TNKS: variants seen among roughly 807,000 people sequenced by gnomAD.
TNKS encodes poly [ADP-ribose] polymerase tankyrase-1.
In TNKS, 72 loss-of-function variants were observed where a neutral mutation model predicts 135.8. The observed-to-expected ratio is 0.53, with a 90% CI of 0.44 to 0.64. The LOEUF (loss-of-function observed/expected upper bound fraction) is 0.64. Ranked by LOEUF, TNKS falls within the 30% of genes least tolerant of loss-of-function variation. The pLI is 0.00. For missense variants in TNKS, 1,769 were observed against 1,674.0 expected, an observed-to-expected ratio of 1.06 and a Z score of -0.99; for synonymous variants, 849 against 649.3, an observed-to-expected ratio of 1.31 and a Z score of -4.68.
intron 3 of TNKS, 99 bp downstream of exon 3, chr8:9,615,776 G>A (rs1585234196): frequency 3.4e-6 from 3 of 888,898 alleles, no homozygotes; most frequent in Non-Finnish European, 5.2e-6. Flanking sequence ...CACTGATGAA[G>A]CTAAGCAAAT....
At position 9,643,123 on chromosome 8, in the gene TNKS, C is replaced by G. The variant is rs1310476476; in HGVS notation, c.994+27446C>G. Among the ~76,000 whole-genome samples, 2 of 146,324 alleles carry G rather than the reference C, an allele frequency of 1.4e-5. 1 individual carries two copies. Among genetic ancestry groups the G allele is most frequent in the Non-Finnish European group, 3.0e-5 (2 of 66,748 alleles). Reference sequence around the variant, plus strand: ...GAAGTCCATTTTTATTAAAAATTTACTCATTAGACATAATCTTGGAAAGAA... The same window carrying G: ...GAAGTCCATTTTTATTAAAAATTTAGTCATTAGACATAATCTTGGAAAGAA... On this transcript the variant is annotated intron_variant, in intron 3 of 26. Coordinates refer to ENST00000310430, the MANE Select transcript of TNKS (RefSeq NM_003747.3).
At chr8:9,609,479 C>A (rs904875299) in intron 2 of TNKS, among the ~76,000 whole-genome samples, 9 of 152,144 alleles carry the variant, frequency 5.9e-5, no homozygotes, top group Non-Finnish European at 1.5e-5. Context: ...ATAGTCCTTA[C>A]TTTTGGGGGC....
At chr8:9,579,859 T>C (rs977860007) in intron 1 of TNKS, among the ~76,000 whole-genome samples, 5 of 152,220 alleles carry the variant, frequency 3.3e-5, no homozygotes, top group Non-Finnish European at 5.9e-5. Context: ...GAAAGTGAGT[T>C]CCTGGATAAG....
At chr8:9,576,899 A>G (rs1797970513) in intron 1 of TNKS, among the ~76,000 whole-genome samples, 1 of 152,194 alleles carries the variant, frequency 6.6e-6, no homozygotes, top group Non-Finnish European at 1.5e-5. Context: ...CATGAAATGT[A>G]TAAAATATAA....
intron 11 of TNKS, among the ~76,000 whole-genome samples, chr8:9,717,753 C>G (rs1474878144): frequency 6.6e-6 from 1 of 152,078 alleles, no homozygotes; most frequent in African/African-American, 2.4e-5. Context: ...CTAACACAGT[C>G]TACTTGACTA....
At chr8:9,570,245 GC>G (rs1281343574) in intron 1 of TNKS, among the ~76,000 whole-genome samples, 1 of 152,114 alleles carries the variant, frequency 6.6e-6, no homozygotes, top group Non-Finnish European at 1.5e-5. Flanking sequence ...TTTGAGACCA[GC>G]CTGGGCAATA....
At chr8:9,677,854 C>T (rs555531636) in intron 3 of TNKS, among the ~76,000 whole-genome samples, 3 of 152,150 alleles carry the variant, frequency 2.0e-5, no homozygotes, top group Non-Finnish European at 2.9e-5. Flanking sequence ...GAGCTACTTA[C>T]AACCATTCCC....
chr8:9,742,248 G>A (rs559900240), intron 17 of TNKS, among the ~76,000 whole-genome samples: 18 of 151,276 alleles, frequency 1.2e-4, no homozygotes, highest in South Asian at 6.3e-4. Flanking sequence ...TCAGGCATCC[G>A]TGAGTTGATG....
In TNKS at chr8:9,765,782, C is replaced by T. The variant is rs758419770; in HGVS notation, c.3538C>T (p.Arg1180Cys). 6 of 1,613,700 alleles carry T rather than the reference C, an allele frequency of 3.7e-6. No homozygotes were observed. The highest frequency in any genetic ancestry group is 4.2e-6 in the Non-Finnish European group (5 of 1,179,740). Residue 1180 changes from arginine to cysteine, a missense_variant, in exon 24 of 27, where the codon CGC becomes TGC. By Grantham distance (180) the Arg-to-Cys change is radical. Coordinates refer to ENST00000310430, the MANE Select transcript of TNKS (RefSeq NM_003747.3). ...SEENHNHHNE[R>C]MLFHGSPFIN... The stretch of plus-strand genomic sequence containing the variant: ...GGAGAATCACAACCATCACAATGAG[C>T]GCATGTTGTTTCATGGTAAGCAGCG...
intron 5 of TNKS, among the ~76,000 whole-genome samples, chr8:9,697,458 A>G (rs190308274): frequency 5.9e-5 from 9 of 152,162 alleles, no homozygotes; most frequent in Non-Finnish European, 1.2e-4. Context: ...AGTGGGACCT[A>G]ATTAAAGAGC....
At chr8:9,621,677 G>A (rs1799873572) in intron 3 of TNKS, among the ~76,000 whole-genome samples, 1 of 152,076 alleles carries the variant, frequency 6.6e-6, no homozygotes, top group Admixed American at 6.5e-5. Flanking sequence ...CATACCATGT[G>A]TAATACATGT....
chr8:9,581,564 A>G (rs1359917938), intron 2 of TNKS, among the ~76,000 whole-genome samples: 1 of 152,196 alleles, frequency 6.6e-6, no homozygotes, highest in Non-Finnish European at 1.5e-5. Flanking sequence ...TTTGTAAATG[A>G]TAACTATTAT....
chr8:9,735,321 T>C (rs546595368), intron 16 of TNKS, 56 bp from the exon 17 acceptor site: 2 of 1,462,996 alleles, frequency 1.4e-6, no homozygotes, highest in African/African-American at 1.4e-5. Context: ...TACATATGTA[T>C]GTATTTTTTT....
intron 14 of TNKS, 53 bp downstream of exon 14, chr8:9,731,088 T>A (rs1805415249): frequency 1.4e-6 from 2 of 1,461,732 alleles, no homozygotes; most frequent in African/African-American, 2.9e-5. Flanking sequence ...GCTTAAAAAA[T>A]TTAAAATATT....
intron 22 of TNKS, among the ~76,000 whole-genome samples, chr8:9,763,698 C>T (rs1014229134): frequency 1.3e-5 from 2 of 152,112 alleles, no homozygotes; most frequent in African/African-American, 4.8e-5. Flanking sequence ...TTCTGCATAA[C>T]ATTTTTCCAG....
At chr8:9,636,678 C>T (rs183802662) in intron 3 of TNKS, among the ~76,000 whole-genome samples, 118 of 152,222 alleles carry the variant, frequency 7.8e-4, no homozygotes, top group Middle Eastern at 6.8e-3. Context: ...CAAATGATAT[C>T]TGTGTCATTT....
Position 9,704,717 on chromosome 8 carries a change from C to A in TNKS, c.1162C>A (p.Leu388Ile). 6.2e-7 allele frequency: 1 copy of A among 1,613,596 alleles called. No homozygotes were observed. Among genetic ancestry groups the A allele is most frequent in the South Asian group, 1.1e-5 (1 of 91,044 alleles). Reference sequence around the variant, plus strand: ...CAACAGAGTTCGAATAGTTCAGCTTCTTCTTCAGCATGGTGCTGATGTTCA... The same window carrying A: ...CAACAGAGTTCGAATAGTTCAGCTTATTCTTCAGCATGGTGCTGATGTTCA... The part of the protein sequence containing the change: ...GYNRVRIVQL[L>I]LQHGADVHAK... Residue 388 changes from leucine to isoleucine, a missense_variant, in exon 6 of 27, where the codon CTT becomes ATT. Leu to Ile is a conservative substitution (Grantham distance 5, BLOSUM62 2). Around this residue, in one of 5 missense-constraint regions of TNKS, gnomAD observed 523 missense variants for 541.0 expected, o/e 0.97. Coordinates refer to ENST00000310430, the MANE Select transcript of TNKS (RefSeq NM_003747.3).
chr8:9,588,745 G>C (rs1459606975), intron 2 of TNKS, among the ~76,000 whole-genome samples: 1 of 152,162 alleles, frequency 6.6e-6, no homozygotes, highest in Non-Finnish European at 1.5e-5. Context: ...TGGTGAGTCT[G>C]TTTCTGAAAC....
intron 9 of TNKS, among the ~76,000 whole-genome samples, chr8:9,709,685 A>G (rs941917766): frequency 9.9e-5 from 15 of 152,208 alleles, no homozygotes; most frequent in Non-Finnish European, 2.1e-4. Flanking sequence ...TGGAATATAT[A>G]GTGAATATTT....
Sources: allele counts gnomAD v4.1 joint callset (sites outside exome capture counted in the v4.1 genomes callset), GRCh38; gene constraint gnomAD v4.1.1; regional missense constraint gnomAD v4.1.1; transcripts MANE v1.5; gene names NCBI Gene and HGNC (gene_info 2026-07-23, HGNC 2026-07-21).